Variants in STK38 observed in about 807,000 individuals in gnomAD.
STK38 encodes the protein serine/threonine kinase 38.
STK38 carries 26 observed loss-of-function variants against 59.0 expected under a neutral mutation model. The ratio of observed to expected loss-of-function variants is 0.44; its 90% confidence interval spans 0.32 to 0.61. The LOEUF (loss-of-function observed/expected upper bound fraction) is 0.61, where lower values mean the gene tolerates loss of function less well. Ranked by LOEUF, STK38 falls within the 20% of genes least tolerant of loss-of-function variation. The pLI is 0.04. For synonymous variants in STK38, 175 were observed against 176.6 expected (o/e 0.99, Z 0.07); for missense variants, 433 against 566.0 (o/e 0.76, Z 2.38).
chr6:36,539,583 CTGA>C (rs1777882078), intron 2 of STK38, among the ~76,000 whole-genome samples: 1 of 152,036 alleles, frequency 6.6e-6, no homozygotes, highest in African/African-American at 2.4e-5. Context: ...CCCCATTTTC[CTGA>C]TGAGGGAACC....
At chr6:36,545,918 T>C (rs563102880) in intron 1 of STK38, among the ~76,000 whole-genome samples, 2 of 152,348 alleles carry the variant, frequency 1.3e-5, no homozygotes, top group African/African-American at 2.4e-5. Context: ...ATTCAATCTA[T>C]ATGGTTATGC....
At chr6:36,544,002 C>T (rs1778003655) in intron 1 of STK38, among the ~76,000 whole-genome samples, 1 of 152,098 alleles carries the variant, frequency 6.6e-6, no homozygotes, top group East Asian at 1.9e-4. Context: ...TATTTAGTAG[C>T]TTTTTAAATT....
intron 5 of STK38, 120 bp downstream of exon 5, chr6:36,521,614 G>C (rs988635526): frequency 3.3e-5 from 20 of 598,400 alleles, no homozygotes. Flanking sequence ...TATATATATA[G>C]TCATACATGA....
At chr6:36,546,724 C>G (rs1478375782) in intron 1 of STK38, among the ~76,000 whole-genome samples, 1 of 152,110 alleles carries the variant, frequency 6.6e-6, no homozygotes, top group Non-Finnish European at 1.5e-5. Context: ...TATCCTAAGA[C>G]TAACGGAGAA....
chr6:36,517,112 C>CT (rs3836989), intron 6 of STK38, among the ~76,000 whole-genome samples: 3 of 151,412 alleles, frequency 2.0e-5, no homozygotes, highest in African/African-American at 4.9e-5. Flanking sequence ...AGTTCTCTCT[C>CT]TTTTTTTTTC....
chr6:36,496,677 A>T, intron 13 of STK38, 34 bp downstream of exon 13: 1 of 1,508,620 alleles, frequency 6.6e-7, no homozygotes, highest in East Asian at 2.3e-5. Flanking sequence ...TAATGTGCTT[A>T]TAAGGCAGCA....
At chr6:36,509,922 G>A (rs1392123691) in intron 7 of STK38, among the ~76,000 whole-genome samples, 1 of 152,216 alleles carries the variant, frequency 6.6e-6, no homozygotes, top group East Asian at 1.9e-4. Context: ...CTGCCAGAGT[G>A]TGAGTCCAGG....
chr6:36,536,529 T>A (rs528972818), intron 2 of STK38, among the ~76,000 whole-genome samples: 1 of 152,266 alleles, frequency 6.6e-6, no homozygotes, highest in South Asian at 2.1e-4. Context: ...TTTTTAATTT[T>A]AATTTTAATT....
intron 2 of STK38, among the ~76,000 whole-genome samples, chr6:36,527,167 G>C (rs1309407839): frequency 7.5e-6 from 1 of 133,786 alleles, no homozygotes; most frequent in Non-Finnish European, 1.6e-5. Flanking sequence ...ATGCCAGCCT[G>C]GGTGACAGAG....
chr6:36,533,518 G>T (rs1048057044), intron 2 of STK38, among the ~76,000 whole-genome samples: 1 of 151,988 alleles, frequency 6.6e-6, no homozygotes, highest in Admixed American at 6.6e-5. Flanking sequence ...CTTTTAGAAG[G>T]CTTTTCTATC....
intron 1 of STK38, among the ~76,000 whole-genome samples, chr6:36,540,969 G>A (rs1047324499): frequency 4.0e-5 from 6 of 151,886 alleles, no homozygotes; most frequent in Non-Finnish European, 1.5e-5. Context: ...CGCGATCTCC[G>A]CTCATTGCAA....
intron 7 of STK38, among the ~76,000 whole-genome samples, chr6:36,509,603 G>A (rs1244968137): frequency 2.0e-5 from 3 of 150,050 alleles, no homozygotes; most frequent in Non-Finnish European, 3.0e-5. Context: ...TGCTCTCTCC[G>A]GAGATGAGGT....
chr6:36,506,769 A>G, intron 8 of STK38, 125 bp from the exon 9 acceptor site: 1 of 767,654 alleles, frequency 1.3e-6, no homozygotes, highest in Non-Finnish European at 2.1e-6. Context: ...ATACATCAAA[A>G]GCTCCAGATG....
At chr6:36,527,418 A>G (rs1028954671) in intron 2 of STK38, among the ~76,000 whole-genome samples, 7 of 149,320 alleles carry the variant, frequency 4.7e-5, no homozygotes, top group African/African-American at 1.7e-4. Flanking sequence ...GGGCATAGTG[A>G]CAGGTGCCTG....
At chr6:36,523,474 C>A (rs1180855735) in intron 4 of STK38, among the ~76,000 whole-genome samples, 3 of 151,512 alleles carry the variant, frequency 2.0e-5, no homozygotes, top group Non-Finnish European at 1.5e-5. Flanking sequence ...TGTTGTCAGG[C>A]TGGTCTCGAA....
At chr6:36,541,290 A>G (rs1777931148) in intron 1 of STK38, among the ~76,000 whole-genome samples, 2 of 152,216 alleles carry the variant, frequency 1.3e-5, no homozygotes, top group Non-Finnish European at 2.9e-5. Flanking sequence ...ATAAATTAAG[A>G]ATATATAGTA....
At chr6:36,521,866 C>T in intron 4 of STK38, 49 bp from the exon 5 acceptor site, 2 of 1,458,928 alleles carry the variant, frequency 1.4e-6, no homozygotes, top group East Asian at 4.6e-5. Context: ...TACTACCAAC[C>T]TAATGCTTTC....
At chr6:36,518,432 T>C (rs914877623) in intron 5 of STK38, among the ~76,000 whole-genome samples, 1 of 152,222 alleles carries the variant, frequency 6.6e-6, no homozygotes. Flanking sequence ...AAGGACCAAG[T>C]TGTAGAAAGT....
chr6:36,528,909 C>T (rs1777601487), intron 2 of STK38, among the ~76,000 whole-genome samples: 1 of 152,140 alleles, frequency 6.6e-6, no homozygotes, highest in African/African-American at 2.4e-5. Context: ...AGAGGTTTTC[C>T]ACAGGTTTAC....
Sources: gnomAD v4.1 joint callset for allele counts (sites outside exome capture counted in the v4.1 genomes callset) on GRCh38, gnomAD v4.1.1 for gene constraint, MANE v1.5 for transcripts, NCBI Gene and HGNC (gene_info 2026-07-23, HGNC 2026-07-21) for gene names.